The following FLII variants were observed in gnomAD, a reference collection of about 807,000 sequenced individuals.
FLII encodes FLII actin remodeling protein.
FLII carries 101 observed loss-of-function variants against 156.2 expected under a neutral mutation model. The ratio of observed to expected loss-of-function variants is 0.65; its 90% confidence interval spans 0.55 to 0.76. The LOEUF (loss-of-function observed/expected upper bound fraction) is 0.76, where lower values mean the gene tolerates loss of function less well. FLII is among the 30% of genes least tolerant of loss of function. The pLI, the probability that FLII is intolerant of heterozygous loss-of-function variation, is 0.00. For missense variants in FLII, 1,675 were observed against 1,682.8 expected, an observed-to-expected ratio of 1.00 and a Z score of 0.08; for synonymous variants, 767 against 685.8, an observed-to-expected ratio of 1.12 and a Z score of -1.85.
intron 14 of FLII, among the ~76,000 whole-genome samples, chr17:18,249,807 CAAACA>C (rs1460964300): frequency 1.6e-4 from 24 of 150,760 alleles, no homozygotes; most frequent in African/African-American, 4.4e-4. Context: ...AACAAACAAA[CAAACA>C]AACAACAACA....
Position 18,254,514 on chromosome 17 carries a change from C to A in FLII, c.575+7G>T. On this transcript the variant is annotated splice_region_variant and intron_variant, in intron 6 of 29. Coordinates refer to ENST00000327031, the MANE Select transcript of FLII (RefSeq NM_002018.4). Reference sequence around the variant, plus strand: ...TCTGCAGGAGTGCGGTCCGAGGGGGCGCCCACCGGAGCTGTGCATGCAGCA... The same window carrying A: ...TCTGCAGGAGTGCGGTCCGAGGGGGAGCCCACCGGAGCTGTGCATGCAGCA... The A allele has an allele frequency of 6.2e-7, 1 of 1,602,536 alleles. No individual in the cohort carries two copies.
Position 18,252,070 on chromosome 17 carries a change from A to C in FLII, c.1175T>G (p.Ile392Ser). 6.2e-7 allele frequency: 1 copy of C among 1,613,408 alleles called. No homozygotes were observed. ...CAGCTGGTTCTGCAGCGAGAAGTCG[A>C]TGTTGTACCACTCAGCGGCACGGTC... Reference protein sequence around the residue: ...PADRAAEWYNIDFSLQNQLRL... With the variant: ...PADRAAEWYNSDFSLQNQLRL... Residue 392 changes from isoleucine (I) to serine (S), a missense_variant, in exon 11 of 30, where the codon ATC (isoleucine) becomes AGC (serine). Transcript: ENST00000327031.
At position 18,253,393 on chromosome 17, in the gene FLII, G is replaced by A. The variant is rs1169884757; in HGVS notation, c.921C>T (p.Asp307=). Residue 307 remains aspartate (D), a synonymous_variant, in exon 9 of 30, where the codon GAC becomes GAT. Transcript: ENST00000327031. ...GCTTGCCAATGCCTGAGGGCAGCCC[G>A]TCAAAGTCCAGCTTGTTGGAATTCA... ...LYLNSNKLDF[D]GLPSGIGKLT... 7.4e-6 allele frequency: 12 copies of A among 1,613,818 alleles called. No homozygotes were observed. Among genetic ancestry groups the A allele is most frequent in the African/African-American group, 2.7e-5 (2 of 74,906 alleles).
chr17:18,245,315 CCCACA>C, intron 29 of FLII, 34 bp downstream of exon 29: 1 of 1,613,848 alleles, frequency 6.2e-7, no homozygotes, highest in South Asian at 1.1e-5. Flanking sequence ...CCCTGCCCTG[CCCACA>C]GGCCCACCTC....
rs2048105991 is a variant in FLII, at chr17:18,247,265, GGA to G, written c.2578_2579del (p.Ser860ArgfsTer16). The G allele has an allele frequency of 6.2e-7, 1 of 1,611,674 alleles. No individual in the cohort carries two copies. Among genetic ancestry groups the G allele is most frequent in the East Asian group, 2.2e-5 (1 of 44,828 alleles). On this transcript the variant is annotated frameshift_variant, in exon 21 of 30. Coordinates refer to ENST00000327031, the MANE Select transcript of FLII (RefSeq NM_002018.4). LOFTEE classifies it high-confidence loss of function. ...AEAVLQSPGLSGKVKRDAEKK... is the reference protein window; with the variant it reads ...AEAVLQSPGLXGKVKRDAEKK... The stretch of plus-strand genomic sequence containing the variant: ...TCTCGGCGTCGCGTTTCACCTTCCC[GGA>G]GAGACCCGGGCTCTGCAGCACGGCC...
rs750528799 is a variant in FLII at position 18,246,142 on chromosome 17, GCTCACACCCACAA to G, written c.3267+7_3267+19del. On this transcript the variant is annotated splice_region_variant and intron_variant, in intron 25 of 29. Coordinates refer to ENST00000327031, the MANE Select transcript of FLII (RefSeq NM_002018.4). ...CCACCCCTTGGTCCACGGAGTCCTG[GCTCACACCCACAA>G]CCCCACCTTGAGGATGAAGCAGAAC... is the stretch of plus-strand genomic sequence containing the variant. The G allele has an allele frequency of 4.3e-6, 7 of 1,614,136 alleles. No homozygotes were observed. Among genetic ancestry groups the G allele is most frequent in the Non-Finnish European group, 5.9e-6 (7 of 1,180,024 alleles).
intron 9 of FLII, among the ~76,000 whole-genome samples, chr17:18,252,915 C>G (rs1483061108): frequency 6.6e-6 from 1 of 152,108 alleles, no homozygotes; most frequent in Non-Finnish European, 1.5e-5. Context: ...AATCCCAGCA[C>G]TTTGGGAGGC....
At chr17:18,253,064 C>T (rs1177050467) in intron 9 of FLII, among the ~76,000 whole-genome samples, 4 of 152,204 alleles carry the variant, frequency 2.6e-5, no homozygotes, top group East Asian at 1.9e-4. Context: ...GCAGGAGATT[C>T]GCTTGAACCT....
chr17:18,256,633 G>T, intron 2 of FLII, 36 bp from the exon 3 acceptor site: 1 of 1,532,432 alleles, frequency 6.5e-7, no homozygotes. Flanking sequence ...TCAGCAGGGT[G>T]GGTGGGGTGT....
In FLII at chr17:18,248,700, G is replaced by A; in HGVS notation, c.2040C>T (p.Asn680=). 6.2e-7 allele frequency: 1 copy of A among 1,613,736 alleles called. No homozygotes were observed. The part of the protein sequence containing the change: ...TKARLFAEKI[N]KNERKGKAEI... ...CAGCCTTCCCTTTCCGCTCATTCTT[G>A]TTAATTTTCTCTGCAAAGAGCCTGA... Residue 680 remains asparagine, a synonymous_variant, in exon 18 of 30, where the codon AAC becomes AAT. Transcript: ENST00000327031.
intron 23 of FLII, 50 bp downstream of exon 23, chr17:18,246,544 C>T (rs2048062465): frequency 3.1e-6 from 5 of 1,611,506 alleles, no homozygotes; most frequent in Non-Finnish European, 3.4e-6. Context: ...GGTCTGAGCC[C>T]CACCACACCC....
chr17:18,253,935 T>G, intron 7 of FLII, 144 bp downstream of exon 7: 1 of 761,130 alleles, frequency 1.3e-6, no homozygotes, highest in Non-Finnish European at 2.1e-6. Context: ...GGCATCATCA[T>G]AATCGCAAAA....
chr17:18,247,581 T>C, intron 20 of FLII, 76 bp downstream of exon 20: 4 of 1,332,796 alleles, frequency 3.0e-6, no homozygotes, highest in African/African-American at 1.5e-5. Flanking sequence ...TGTAGGGAGG[T>C]AGTGAAGCCA....
chr17:18,245,741 C>T lies in FLII; in HGVS notation c.3503+3G>A. On this transcript the variant is annotated splice_donor_region_variant and intron_variant, in intron 27 of 29. Coordinates refer to ENST00000327031, the MANE Select transcript of FLII (RefSeq NM_002018.4). ...GAGGGGAGGGTCAGGGCCCTGGCCTCACCGGAAGAGACGTGTGTGTTTCAT... is the reference window on the plus strand; with the variant it reads ...GAGGGGAGGGTCAGGGCCCTGGCCTTACCGGAAGAGACGTGTGTGTTTCAT... 1 of 1,613,334 alleles carries T rather than the reference C, an allele frequency of 6.2e-7. No individual in the cohort carries two copies. Among genetic ancestry groups the T allele is most frequent in the South Asian group, 1.1e-5 (1 of 91,058 alleles).
intron 20 of FLII, 146 bp from the exon 21 acceptor site, chr17:18,247,503 G>C (rs1406219411): frequency 1.9e-6 from 2 of 1,034,528 alleles, no homozygotes; most frequent in East Asian, 5.0e-5. Flanking sequence ...GGAATAGGAG[G>C]GGCAGCTTGC....
Position 18,253,457 on chromosome 17 carries a change from G to A in FLII, c.857C>T (p.Ser286Leu). 6.2e-7 allele frequency: 1 copy of A among 1,613,868 alleles called. No homozygotes were observed. Among genetic ancestry groups the A allele is most frequent in the Non-Finnish European group, 8.5e-7 (1 of 1,180,034 alleles). ...LSRNQLTSLP[S>L]AICKLSKLKK... Reference sequence around the variant, plus strand: ...CAGCTTGCTCAGCTTGCAAATGGCTGACTGGAGGGGGAACGGGCAGGGGTG... The same window carrying A: ...CAGCTTGCTCAGCTTGCAAATGGCTAACTGGAGGGGGAACGGGCAGGGGTG... Residue 286 changes from serine (S) to leucine (L), a missense_variant and splice_region_variant, in exon 9 of 30, where the codon TCA (serine) becomes TTA (leucine). This residue lies in a region of FLII where 343 missense variants were observed against 413.5 expected (regional missense o/e 0.83). Coordinates refer to ENST00000327031, the MANE Select transcript of FLII (RefSeq NM_002018.4).
At position 18,253,737 on chromosome 17, in the gene FLII, G is replaced by A. The variant is rs543917564; in HGVS notation, c.680-18C>T. 46 of 1,586,146 alleles carry A rather than the reference G, an allele frequency of 2.9e-5. No homozygotes were observed. Among genetic ancestry groups the A allele is most frequent in the South Asian group, 3.4e-5 (3 of 88,724 alleles). On this transcript the variant is annotated intron_variant, in intron 7 of 29. Transcript: ENST00000327031. ...ATCCACGTCTGGGGTGCAGGGTGGG[G>A]TGCATCAGCTGGGGCCCATACACCA...
chr17:18,251,722 C>CT lies in FLII; in HGVS notation c.1340dup (p.Met449HisfsTer38). 6.2e-7 allele frequency: 1 copy of CT among 1,614,076 alleles called. No homozygotes were observed. The highest frequency in any genetic ancestry group is 8.5e-7 in the Non-Finnish European group (1 of 1,180,040). On this transcript the variant is annotated frameshift_variant, in exon 12 of 30. Coordinates refer to ENST00000327031, the MANE Select transcript of FLII (RefSeq NM_002018.4). LOFTEE classifies it high-confidence loss of function. ...TCTCCTGGGCAACATCTGACATGCC[C>CT]TTCAGCACCTGCTTGGCCTGGTCAT...
rs2048438901 is a variant in FLII at position 18,256,993 on chromosome 17, C to T, written c.90G>A (p.Lys30=). 1 of 1,610,594 alleles carries T rather than the reference C, an allele frequency of 6.2e-7. No individual in the cohort carries two copies. Among genetic ancestry groups the T allele is most frequent in the Admixed American group, 1.7e-5 (1 of 59,730 alleles). ...FKGGYFPENV[K]AMTSLRWLKL... is the part of the protein sequence containing the mutation. ...TCAGCCACCGCAGGCTGGTCATGGC[C>T]TTGACATTCTCAGGGAAGTAGCCGC... Residue 30 remains lysine (K), a synonymous_variant, in exon 2 of 30, where the codon AAG becomes AAA. Coordinates refer to ENST00000327031, the MANE Select transcript of FLII (RefSeq NM_002018.4).
Sources: allele counts gnomAD v4.1 joint callset (sites outside exome capture counted in the v4.1 genomes callset), GRCh38; gene constraint gnomAD v4.1.1; regional missense constraint gnomAD v4.1.1; transcripts MANE v1.5; gene names NCBI Gene and HGNC (gene_info 2026-07-23, HGNC 2026-07-21).